The following SDCCAG8 variants were observed in gnomAD, a reference collection of about 807,000 sequenced individuals.
SDCCAG8 encodes the protein SHH signaling and ciliogenesis regulator SDCCAG8, also known as serologically defined colon cancer antigen 8.
SDCCAG8 carries 74 observed loss-of-function variants against 101.8 expected under a neutral mutation model. That is an observed-to-expected ratio of 0.73 (90% CI 0.60 to 0.88). SDCCAG8 has a LOEUF of 0.88. SDCCAG8 is among the 40% of genes least tolerant of loss of function. The pLI is 0.00. For missense variants in SDCCAG8, 787 were observed against 822.6 expected, an observed-to-expected ratio of 0.96 and a Z score of 0.53; for synonymous variants, 281 against 292.9, an observed-to-expected ratio of 0.96 and a Z score of 0.41.
At chr1:243,276,929 A>G (rs2068621274) in intron 4 of SDCCAG8, among the ~76,000 whole-genome samples, 1 of 152,130 alleles carries the variant, frequency 6.6e-6, no homozygotes, top group African/African-American at 2.4e-5. Flanking sequence ...GGCCTATTAT[A>G]CTTAGTAATA....
intron 8 of SDCCAG8, among the ~76,000 whole-genome samples, chr1:243,310,272 T>C (rs2072595158): frequency 1.3e-5 from 2 of 152,162 alleles, no homozygotes; most frequent in South Asian, 4.1e-4. Context: ...CTATTAAACA[T>C]GTATTAACTA....
intron 17 of SDCCAG8, among the ~76,000 whole-genome samples, chr1:243,492,055 G>A (rs959355384): frequency 6.6e-6 from 1 of 152,052 alleles, no homozygotes; most frequent in African/African-American, 2.4e-5. Flanking sequence ...TGGGGCTCAG[G>A]CTGGCCTGTG....
chr1:243,370,044 T>G (rs1318903705), intron 12 of SDCCAG8, among the ~76,000 whole-genome samples: 1 of 152,094 alleles, frequency 6.6e-6, no homozygotes, highest in African/African-American at 2.4e-5. Flanking sequence ...TCTTTTGCAA[T>G]GCATCGTTTG....
chr1:243,460,921 C>T (rs1032431725), intron 16 of SDCCAG8, among the ~76,000 whole-genome samples: 1 of 152,206 alleles, frequency 6.6e-6, no homozygotes, highest in African/African-American at 2.4e-5. Context: ...ACGCTTGTAT[C>T]TTATTGCTTA....
At chr1:243,340,921 A>C (rs959289423) in intron 10 of SDCCAG8, 118 bp from the exon 11 acceptor site, 12 of 1,033,328 alleles carry the variant, frequency 1.2e-5, no homozygotes, top group East Asian at 7.1e-5. Context: ...TACCCAATCC[A>C]CAGAGAAATG....
At chr1:243,412,304 CTGGGCCACACTGGAAGAAGAATTG>C (rs1247897721) in intron 13 of SDCCAG8, among the ~76,000 whole-genome samples, 3 of 152,116 alleles carry the variant, frequency 2.0e-5, no homozygotes, top group African/African-American at 7.2e-5. Context: ...TTTGGCTTCC[CTGGGCCACACTGGAAGAAGAATTG>C]TGGGCCACAC....
In SDCCAG8 at chr1:243,313,102, C is replaced by T. The variant is rs546799322; in HGVS notation, c.930-3653C>T. Among the ~76,000 whole-genome samples, 15 of 152,268 alleles carry T rather than the reference C, an allele frequency of 9.9e-5. No individual in the cohort carries two copies. The South Asian group carries it at 3.1e-3, about 32-fold the overall frequency. The stretch of plus-strand genomic sequence containing the variant: ...AGATTCCAAGGGTACTTTTCTGGGG[C>T]TTTAGTCCAGCTTGTGATTTTGGAG... On this transcript the variant is annotated intron_variant, in intron 8 of 17. Transcript: ENST00000366541.
intron 16 of SDCCAG8, among the ~76,000 whole-genome samples, chr1:243,475,201 C>T (rs943814312): frequency 6.6e-6 from 1 of 152,180 alleles, no homozygotes; most frequent in South Asian, 2.1e-4. Flanking sequence ...GCAGTTCTAC[C>T]GCCGCCACTA....
At chr1:243,463,832 C>T (rs1659609763) in intron 16 of SDCCAG8, among the ~76,000 whole-genome samples, 1 of 151,976 alleles carries the variant, frequency 6.6e-6, no homozygotes, top group Admixed American at 6.6e-5. Flanking sequence ...GTAATGAGAC[C>T]GTTCTGCCAG....
At position 243,324,459 on chromosome 1, in the gene SDCCAG8, C is replaced by CTTTTTT. The variant is rs34446782; in HGVS notation, c.1069-6065_1069-6060dup. 2.8e-4 allele frequency among the ~76,000 whole-genome samples: 24 copies of CTTTTTT among 87,006 alleles called. 3 individuals carry two copies. Among genetic ancestry groups the CTTTTTT allele is most frequent in the East Asian group, 8.1e-4 (2 of 2,482 alleles). 57.1% of individuals were successfully genotyped at this position (87,006 alleles called of 152,430 possible). A position where few individuals can be genotyped will look rare whatever the true frequency, so the allele number is the denominator to read the frequency against. On this transcript the variant is annotated intron_variant, in intron 9 of 17. Coordinates refer to ENST00000366541, the MANE Select transcript of SDCCAG8 (RefSeq NM_006642.5). Reference sequence around the variant, plus strand: ...GTTCAAGGCTTCACATCTTCACATGCTTTTTTTTTTTTTTTTTTTTTCAGA... The same window carrying CTTTTTT: ...GTTCAAGGCTTCACATCTTCACATGCTTTTTTTTTTTTTTTTTTTTTTTTTTTCAGA...
At chr1:243,310,986 G>C (rs1451109528) in intron 8 of SDCCAG8, among the ~76,000 whole-genome samples, 6 of 152,210 alleles carry the variant, frequency 3.9e-5, no homozygotes, top group African/African-American at 1.4e-4. Flanking sequence ...CACTCTGCTG[G>C]TGGGTTCATA....
intron 1 of SDCCAG8, among the ~76,000 whole-genome samples, chr1:243,269,699 C>T (rs1418546216): frequency 6.6e-6 from 1 of 152,136 alleles, no homozygotes; most frequent in Non-Finnish European, 1.5e-5. Flanking sequence ...TTTGCTGGCT[C>T]TTCCCACCTC....
At chr1:243,425,237 T>C (rs982604695) in intron 15 of SDCCAG8, among the ~76,000 whole-genome samples, 2 of 152,092 alleles carry the variant, frequency 1.3e-5, no homozygotes, top group African/African-American at 4.8e-5. Context: ...TAAGCTAATG[T>C]ATGCATAAAG....
intron 12 of SDCCAG8, among the ~76,000 whole-genome samples, chr1:243,371,659 A>G (rs189391310): frequency 3.3e-5 from 5 of 152,114 alleles, no homozygotes; most frequent in Non-Finnish European, 5.9e-5. Flanking sequence ...TGAAGAGGAT[A>G]ATCATTTTTG....
At chr1:243,445,996 T>C (rs1222238729) in intron 16 of SDCCAG8, among the ~76,000 whole-genome samples, 2 of 152,150 alleles carry the variant, frequency 1.3e-5, no homozygotes, top group Non-Finnish European at 2.9e-5. Context: ...CTTTAGGAAG[T>C]AGAGCACAAC....
At chr1:243,259,760 G>A (rs981366764) in intron 1 of SDCCAG8, among the ~76,000 whole-genome samples, 2 of 151,150 alleles carry the variant, frequency 1.3e-5, no homozygotes, top group Non-Finnish European at 3.0e-5. Context: ...CGCAGGTTGC[G>A]GTGGGCGGAG....
In SDCCAG8 at chr1:243,327,082, A is replaced by T. The variant is rs528179551; in HGVS notation, c.1069-3458A>T. On this transcript the variant is annotated intron_variant, in intron 9 of 17. Coordinates refer to ENST00000366541, the MANE Select transcript of SDCCAG8 (RefSeq NM_006642.5). ...GGTGGGGGGAATGTATAATTCCCCA[A>T]CTTCTCAAGACCTACAGCCATTTCC... Among the ~76,000 whole-genome samples the T allele has an allele frequency of 5.3e-5, 8 of 152,184 alleles. No individual in the cohort carries two copies. The South Asian group carries it at 1.2e-3, about 24-fold the overall frequency.
At chr1:243,367,390 T>C (rs2147870990) in intron 12 of SDCCAG8, among the ~76,000 whole-genome samples, 2 of 152,252 alleles carry the variant, frequency 1.3e-5, no homozygotes, top group African/African-American at 4.8e-5. Context: ...GAGAAAATCC[T>C]TTTGAAGTGC....
Position 243,341,191 on chromosome 1 carries a change from AG to A in SDCCAG8, c.1356+19del. 1 of 1,613,364 alleles carries A rather than the reference AG, an allele frequency of 6.2e-7. No individual in the cohort carries two copies. Among genetic ancestry groups the A allele is most frequent in the East Asian group, 2.2e-5 (1 of 44,862 alleles). Reference sequence around the variant, plus strand: ...TCACAAAGGTACAGAAAGAGATTTTAGTGTAATCGTTACTTAAGGAAATATT... The same window carrying A: ...TCACAAAGGTACAGAAAGAGATTTTATGTAATCGTTACTTAAGGAAATATT... On this transcript the variant is annotated intron_variant, in intron 11 of 17. Coordinates refer to ENST00000366541, the MANE Select transcript of SDCCAG8 (RefSeq NM_006642.5).
Sources: allele counts gnomAD v4.1 joint callset (sites outside exome capture counted in the v4.1 genomes callset), GRCh38; gene constraint gnomAD v4.1.1; transcripts MANE v1.5; gene names NCBI Gene and HGNC (gene_info 2026-07-23, HGNC 2026-07-21).